Variants in PAK2 observed in about 807,000 individuals in gnomAD.
The protein encoded by PAK2 is serine/threonine-protein kinase PAK 2.
A neutral mutation model predicts 65.9 loss-of-function variants in PAK2; 21 were observed. That is an observed-to-expected ratio of 0.32 (90% confidence interval 0.23 to 0.46). The LOEUF (loss-of-function observed/expected upper bound fraction) is 0.46. Among genes scored for constraint, PAK2 ranks in the 20% least tolerant of loss-of-function variants. The pLI is 1.00. For synonymous variants in PAK2, 204 were observed against 219.7 expected (o/e 0.93, Z 0.63); for missense variants, 324 against 642.6 (o/e 0.50, Z 5.36).
intron 1 of PAK2, among the ~76,000 whole-genome samples, chr3:196,773,466 T>TA (rs1714424395): frequency 6.6e-6 from 1 of 152,178 alleles, no homozygotes; most frequent in African/African-American, 2.4e-5. Flanking sequence ...AATACTGTTT[T>TA]ATGGAAAAGA....
chr3:196,785,518 T>G lies in PAK2; in HGVS notation c.187+2685T>G, dbSNP rs140736112. Among the ~76,000 whole-genome samples the G allele has an allele frequency of 2.4e-3, 369 of 152,276 alleles. 5 individuals are homozygous for G. The highest frequency in any genetic ancestry group is 8.7e-3 in the African/African-American group (361 of 41,564). On this transcript the variant is annotated intron_variant, in intron 2 of 14. Coordinates refer to ENST00000327134, the MANE Select transcript of PAK2 (RefSeq NM_002577.4). ...AGGGGTGAAATACTAGCTCATTGTG[T>G]TTTAAATTGGCCTTTCCCTGATTAC... is the stretch of plus-strand genomic sequence containing the variant.
At chr3:196,765,257 C>T (rs575566454) in intron 1 of PAK2, among the ~76,000 whole-genome samples, 2 of 149,942 alleles carry the variant, frequency 1.3e-5, no homozygotes, top group African/African-American at 4.9e-5. Flanking sequence ...AAGCGATTCT[C>T]TTGCCTCAGC....
In PAK2 at chr3:196,826,210, C is replaced by T. The variant is rs567780212; in HGVS notation, c.1351-986C>T. 5.2e-4 allele frequency among the ~76,000 whole-genome samples: 78 copies of T among 150,794 alleles called. 2 individuals are homozygous for T. The South Asian group carries it at 0.015, about 29-fold the overall frequency. ...TTTTTGGGACGGAGTCTCGCTCTGT[C>T]GCCCAGGCTGGAGTGCAGTGGCGCA... On this transcript the variant is annotated intron_variant, in intron 13 of 14. Transcript: ENST00000327134.
chr3:196,830,151 C>A lies in PAK2; in HGVS notation c.*1746C>A, dbSNP rs1361357103. 3.3e-5 allele frequency: 5 copies of A among 151,884 alleles called. No individual in the cohort carries two copies. In the East Asian group the frequency reaches 9.6e-4, roughly 29 times the overall value. The allele number at this position is 151,884 out of a possible 1,614,324, so 9.4% of individuals were successfully genotyped here. A position where few individuals can be genotyped will look rare whatever the true frequency, so the allele number is the denominator to read the frequency against. On this transcript the variant is annotated 3_prime_UTR_variant, in exon 15 of 15. Transcript: ENST00000327134. ...GGTTTTATTTCCATTATTTTATTTC[C>A]ACTATATCTATGATAAGATGCAATT...
rs1465838182 is a variant in PAK2 at position 196,830,905 on chromosome 3, G to T, written c.*2500G>T. ...CATGTTTTTTATTTTTATTTTTTTT[G>T]ATACAGAGTCTCACTCTGTCACTCA... On this transcript the variant is annotated 3_prime_UTR_variant, in exon 15 of 15. Coordinates refer to ENST00000327134, the MANE Select transcript of PAK2 (RefSeq NM_002577.4). The T allele has an allele frequency of 2.0e-5, 3 of 150,916 alleles. No homozygotes were observed. Among genetic ancestry groups the T allele is most frequent in the Admixed American group, 1.3e-4 (2 of 15,210 alleles). The allele number at this position is 150,916 out of a possible 1,614,324, so 9.3% of individuals were successfully genotyped here.
intron 8 of PAK2, among the ~76,000 whole-genome samples, chr3:196,811,248 C>CTTCCT (rs1560113678): frequency 3.8e-5 from 2 of 52,340 alleles, no homozygotes; most frequent in South Asian, 7.0e-4. Context: ...CCTTCCCTCC[C>CTTCCT]TCCCCTCCCT....
At chr3:196,741,832 A>C (rs1033761322) in intron 1 of PAK2, among the ~76,000 whole-genome samples, 8 of 143,766 alleles carry the variant, frequency 5.6e-5, no homozygotes, top group Admixed American at 8.1e-5. Context: ...CTTGGTCTGT[A>C]GATGTTGGCT....
At chr3:196,742,349 A>G (rs1398043975) in intron 1 of PAK2, among the ~76,000 whole-genome samples, 1 of 152,080 alleles carries the variant, frequency 6.6e-6, no homozygotes, top group African/African-American at 2.4e-5. Context: ...CAGCCTCCCA[A>G]AATGCTGGGA....
chr3:196,815,876 A>C (rs1454617246), intron 11 of PAK2, among the ~76,000 whole-genome samples: 1 of 152,148 alleles, frequency 6.6e-6, no homozygotes, highest in African/African-American at 2.4e-5. Flanking sequence ...CTTCAGTATC[A>C]ATAAGTCTGT....
intron 1 of PAK2, among the ~76,000 whole-genome samples, chr3:196,749,760 C>T (rs1476022026): frequency 6.6e-6 from 1 of 152,104 alleles, no homozygotes; most frequent in African/African-American, 2.4e-5. Flanking sequence ...ACATCTTTTC[C>T]AGCATGTCAT....
chr3:196,790,498 C>T (rs1249867934), intron 2 of PAK2, among the ~76,000 whole-genome samples: 2 of 152,112 alleles, frequency 1.3e-5, no homozygotes, highest in African/African-American at 4.8e-5. Flanking sequence ...CCTGGTGAAC[C>T]TCCCGTAGAT....
chr3:196,750,072 C>T (rs7626805), intron 1 of PAK2, among the ~76,000 whole-genome samples: 71,264 of 150,632 alleles, frequency 0.47, 17,316 homozygotes, highest in Non-Finnish European at 0.53. Flanking sequence ...CTGCAACCTC[C>T]GCCTCCTGGG....
At chr3:196,814,155 A>G (rs1286270732) in intron 10 of PAK2, among the ~76,000 whole-genome samples, 4 of 152,090 alleles carry the variant, frequency 2.6e-5, no homozygotes, top group African/African-American at 9.7e-5. Context: ...TTGTCTGTTT[A>G]TCTCTAAAAC....
rs767983361 is a variant in PAK2 at position 196,831,554 on chromosome 3, G to A, written c.*3149G>A. 242 of 152,126 alleles carry A rather than the reference G, an allele frequency of 1.6e-3. 1 individual carries two copies. Among genetic ancestry groups the A allele is most frequent in the Non-Finnish European group, 1.8e-3 (120 of 68,026 alleles). 9.4% of individuals were successfully genotyped at this position (152,126 alleles called of 1,614,324 possible). A position where few individuals can be genotyped will look rare whatever the true frequency, so the allele number is the denominator to read the frequency against. The stretch of plus-strand genomic sequence containing the variant: ...CTTTAACATAGAAGTGTCCAGCTGC[G>A]TACAGTCTAGTAACCAGCAACTGTA... On this transcript the variant is annotated 3_prime_UTR_variant, in exon 15 of 15. Coordinates refer to ENST00000327134, the MANE Select transcript of PAK2 (RefSeq NM_002577.4).
intron 1 of PAK2, among the ~76,000 whole-genome samples, chr3:196,773,049 C>T (rs1714410943): frequency 1.3e-5 from 2 of 152,136 alleles, no homozygotes; most frequent in African/African-American, 4.8e-5. Context: ...CTCCGCTGTT[C>T]GTTTCTGCTG....
intron 13 of PAK2, among the ~76,000 whole-genome samples, chr3:196,823,151 C>T (rs1711708317): frequency 6.6e-6 from 1 of 152,078 alleles, no homozygotes; most frequent in Non-Finnish European, 1.5e-5. Flanking sequence ...AGTCAAGAGG[C>T]TGATGTCATA....
In PAK2 at chr3:196,744,994, A is replaced by G. The variant is rs574075745; in HGVS notation, c.-22+4837A>G. On this transcript the variant is annotated intron_variant, in intron 1 of 14. Coordinates refer to ENST00000327134, the MANE Select transcript of PAK2 (RefSeq NM_002577.4). ...TGTATATTTCCTTATTGAGTTGTAG[A>G]AGCTCTTCACATGTAATAGATATTA... Among the ~76,000 whole-genome samples, 6 of 152,090 alleles carry G rather than the reference A, an allele frequency of 3.9e-5. No individual in the cohort carries two copies. In the South Asian group the frequency reaches 1.0e-3, roughly 26 times the overall value.
chr3:196,760,887 G>C (rs969825351), intron 1 of PAK2, among the ~76,000 whole-genome samples: 3 of 152,152 alleles, frequency 2.0e-5, no homozygotes, highest in Non-Finnish European at 2.9e-5. Flanking sequence ...TGTCAGATAG[G>C]TACAGAGATG....
intron 6 of PAK2, among the ~76,000 whole-genome samples, chr3:196,807,319 C>T (rs1222596143): frequency 2.0e-5 from 3 of 152,100 alleles, no homozygotes; most frequent in South Asian, 4.1e-4. Context: ...TGGCAGAGGA[C>T]TCCGTTTTCT....
Sources: allele counts gnomAD v4.1 joint callset (sites outside exome capture counted in the v4.1 genomes callset), GRCh38; gene constraint gnomAD v4.1.1; transcripts MANE v1.5; gene names NCBI Gene and HGNC (gene_info 2026-07-23, HGNC 2026-07-21).